The following TAF4B variants were observed in gnomAD, a reference collection of about 807,000 sequenced individuals.
TAF4B encodes the protein TATA-box binding protein associated factor 4b.
TAF4B carries 38 observed loss-of-function variants against 86.4 expected under a neutral mutation model. That is an observed-to-expected ratio of 0.44 (90% confidence interval 0.34 to 0.58). The LOEUF (loss-of-function observed/expected upper bound fraction) is 0.58, where lower values mean the gene tolerates loss of function less well. Ranked by LOEUF, TAF4B falls within the 20% of genes least tolerant of loss-of-function variation. The pLI is 0.02. For synonymous variants in TAF4B, 388 were observed against 391.2 expected (o/e 0.99, Z 0.10); for missense variants, 988 against 1,027.6 (o/e 0.96, Z 0.53).
chr18:26,297,060 A>G (rs1585677), intron 9 of TAF4B, among the ~76,000 whole-genome samples: 53,886 of 151,376 alleles, frequency 0.36, 11,721 homozygotes, highest in East Asian at 0.81. Flanking sequence ...AATCAGTTGA[A>G]CCCTGGGAGG....
At chr18:26,342,229 T>C (rs1351097766) in intron 13 of TAF4B, among the ~76,000 whole-genome samples, 1 of 152,192 alleles carries the variant, frequency 6.6e-6, no homozygotes, top group African/African-American at 2.4e-5. Context: ...CTTTAGATTT[T>C]TTCATACATT....
chr18:26,390,059 G>T lies in TAF4B; in HGVS notation c.*47G>T. ...ATCCTTGCTATTTACTGCCAAAGAA[G>T]ACACAAAGCATTGTTGCACTGTCCT... On this transcript the variant is annotated 3_prime_UTR_variant, in exon 15 of 15. Transcript: ENST00000269142. 1.9e-6 allele frequency: 3 copies of T among 1,573,774 alleles called. No homozygotes were observed. Among genetic ancestry groups the T allele is most frequent in the Non-Finnish European group, 2.6e-6 (3 of 1,156,762 alleles).
chr18:26,300,496 T>C (rs1373858048), intron 9 of TAF4B, among the ~76,000 whole-genome samples: 1 of 149,428 alleles, frequency 6.7e-6, no homozygotes, highest in Non-Finnish European at 1.5e-5. Context: ...TTTCCATTCA[T>C]GTCAAGATAG....
rs58691265 is a variant in TAF4B at position 26,315,095 on chromosome 18, A to ACTCTCTCTCTCTCTCT, written c.1833-99_1833-84dup. The stretch of plus-strand genomic sequence containing the variant: ...ACCTCTAATTCTTTTGCTCTCTGAA[A>ACTCTCTCTCTCTCTCT]CTCTCTCTCTCTCTCTCTCTCTCTC... On this transcript the variant is annotated intron_variant, in intron 9 of 14. Coordinates refer to ENST00000269142, the MANE Select transcript of TAF4B (RefSeq NM_005640.3). 5.7e-4 allele frequency: 126 copies of ACTCTCTCTCTCTCTCT among 220,292 alleles called. 1 individual carries two copies. Among genetic ancestry groups the ACTCTCTCTCTCTCTCT allele is most frequent in the East Asian group, 2.1e-3 (22 of 10,520 alleles). 13.6% of individuals were successfully genotyped at this position (220,292 alleles called of 1,614,324 possible). A position where few individuals can be genotyped will look rare whatever the true frequency, so the allele number is the denominator to read the frequency against.
chr18:26,348,286 TA>T (rs2057216992), intron 13 of TAF4B: 1 of 152,200 alleles, frequency 6.6e-6, no homozygotes, highest in Non-Finnish European at 1.5e-5. Flanking sequence ...ACTGTGCAAT[TA>T]AACAGCAGTC....
At chr18:26,334,081 T>C (rs2057072086) in intron 12 of TAF4B, among the ~76,000 whole-genome samples, 1 of 152,078 alleles carries the variant, frequency 6.6e-6, no homozygotes, top group Admixed American at 6.6e-5. Context: ...CTGGTGATAC[T>C]ATAACTAGAG....
intron 9 of TAF4B, among the ~76,000 whole-genome samples, chr18:26,308,704 C>T (rs1030225993): frequency 6.6e-6 from 1 of 151,750 alleles, no homozygotes; most frequent in African/African-American, 2.4e-5. Context: ...GAAACCCTGT[C>T]TCTACTAAAA....
intron 14 of TAF4B, among the ~76,000 whole-genome samples, chr18:26,378,608 T>G (rs1030953778): frequency 2.6e-5 from 4 of 152,180 alleles, no homozygotes; most frequent in African/African-American, 9.7e-5. Flanking sequence ...GAGGTATAAT[T>G]TATATACAAT....
chr18:26,337,355 A>G (rs2057100120), intron 13 of TAF4B, among the ~76,000 whole-genome samples: 1 of 151,870 alleles, frequency 6.6e-6, no homozygotes, highest in African/African-American at 2.4e-5. Context: ...AATCAAATAC[A>G]CAGTGGTAGT....
intron 14 of TAF4B, among the ~76,000 whole-genome samples, chr18:26,385,361 A>C (rs1429338409): frequency 6.6e-6 from 1 of 152,230 alleles, no homozygotes; most frequent in Middle Eastern, 3.2e-3. Context: ...TCATTATAAA[A>C]ACAAGAAACT....
intron 14 of TAF4B, among the ~76,000 whole-genome samples, chr18:26,364,831 C>T (rs1251354773): frequency 6.6e-6 from 1 of 151,970 alleles, no homozygotes; most frequent in Admixed American, 6.6e-5. Context: ...TTTCATAATG[C>T]TGATATTTCT....
chr18:26,327,539 G>A (rs2057014680), intron 12 of TAF4B, among the ~76,000 whole-genome samples: 1 of 152,148 alleles, frequency 6.6e-6, no homozygotes, highest in African/African-American at 2.4e-5. Context: ...CAGGCTGGGT[G>A]GAAATAGAGT....
chr18:26,327,243 C>T, intron 12 of TAF4B, 103 bp downstream of exon 12: 3 of 1,409,222 alleles, frequency 2.1e-6, no homozygotes, highest in Non-Finnish European at 9.4e-7. Context: ...CTTTAGATTT[C>T]TCCAGAGGAT....
At chr18:26,247,633 G>T (rs1019184007) in intron 1 of TAF4B, among the ~76,000 whole-genome samples, 6 of 152,162 alleles carry the variant, frequency 3.9e-5, no homozygotes, top group Non-Finnish European at 5.9e-5. Context: ...TGTAATCCCA[G>T]CACTTTGGGA....
chr18:26,253,188 A>G (rs1220652323), intron 1 of TAF4B, among the ~76,000 whole-genome samples: 1 of 152,152 alleles, frequency 6.6e-6, no homozygotes, highest in Non-Finnish European at 1.5e-5. Context: ...TCAGACTTTC[A>G]CCAAAAGTAT....
intron 14 of TAF4B, among the ~76,000 whole-genome samples, chr18:26,374,740 CAATG>C (rs780210918): frequency 1.9e-4 from 29 of 152,224 alleles, no homozygotes; most frequent in African/African-American, 6.7e-4. Context: ...ACATGAAAAA[CAATG>C]AATCTGCTTA....
chr18:26,384,003 G>A (rs1162518115), intron 14 of TAF4B, among the ~76,000 whole-genome samples: 1 of 152,086 alleles, frequency 6.6e-6, no homozygotes, highest in African/African-American at 2.4e-5. Context: ...GGTATCCAGG[G>A]CACATTTATT....
chr18:26,297,614 T>C (rs1016777679), intron 9 of TAF4B, among the ~76,000 whole-genome samples: 2 of 152,214 alleles, frequency 1.3e-5, no homozygotes, highest in Non-Finnish European at 2.9e-5. Context: ...CTGGCTTCTT[T>C]TGGTAGCATA....
At chr18:26,344,221 C>A (rs1003425737) in intron 13 of TAF4B, among the ~76,000 whole-genome samples, 1 of 152,088 alleles carries the variant, frequency 6.6e-6, no homozygotes, top group Non-Finnish European at 1.5e-5. Context: ...GTTCAACTCA[C>A]ATCATAATCA....
Sources: gnomAD v4.1 joint callset for allele counts (sites outside exome capture counted in the v4.1 genomes callset) on GRCh38, gnomAD v4.1.1 for gene constraint, MANE v1.5 for transcripts, NCBI Gene and HGNC (gene_info 2026-07-23, HGNC 2026-07-21) for gene names.